The following SERINC5 variants were observed in gnomAD, a reference collection of about 807,000 sequenced individuals.
SERINC5 encodes the protein serine incorporator 5.
In SERINC5, 41 loss-of-function variants were observed where a neutral mutation model predicts 63.1. That is an observed-to-expected ratio of 0.65 (90% confidence interval 0.51 to 0.84). The LOEUF (loss-of-function observed/expected upper bound fraction) is 0.84. Among genes scored for constraint, SERINC5 ranks in the 40% least tolerant of loss-of-function variants. The pLI is 0.00. For synonymous variants in SERINC5, 222 were observed against 215.2 expected, an observed-to-expected ratio of 1.03 and a Z score of -0.28; for missense variants, 523 against 573.0, an observed-to-expected ratio of 0.91 and a Z score of 0.89.
rs571198123 is a variant in SERINC5 at position 80,158,859 on chromosome 5, T to C, written c.963A>G (p.Leu321=). ...NLVTILGTSL[L]IGCILYSCLT... ...ACCATGAATACAAGATACATCCGAT[T>C]AAGAGGCTGGTCCCCAGTATAGTCA... Residue 321 remains leucine, a synonymous_variant, in exon 8 of 12, where the codon TTA becomes TTG. Coordinates refer to ENST00000507668, the MANE Select transcript of SERINC5 (RefSeq NM_001174072.3). 8.0e-5 allele frequency: 129 copies of C among 1,613,664 alleles called. 1 individual carries two copies. The South Asian group carries it at 1.1e-3, about 14-fold the overall frequency.
In SERINC5 at chr5:80,173,423, G is replaced by A. The variant is rs530034473; in HGVS notation, c.551+1531C>T. 7.2e-5 allele frequency among the ~76,000 whole-genome samples: 11 copies of A among 152,036 alleles called. No individual in the cohort carries two copies. In the East Asian group the frequency reaches 1.5e-3, roughly 21 times the overall value. ...ATCCTGGCTAACACGGTGAAACCCC[G>A]TCTCTACTAAAAAATACAAAAAATT... On this transcript the variant is annotated intron_variant, in intron 5 of 11. Transcript: ENST00000507668.
chr5:80,202,864 A>G (rs1749928193), intron 2 of SERINC5, 22 bp downstream of exon 2: 1 of 1,592,748 alleles, frequency 6.3e-7, no homozygotes, highest in East Asian at 2.3e-5. Flanking sequence ...AAATAGGACG[A>G]GCTGAACACG....
intron 7 of SERINC5, among the ~76,000 whole-genome samples, chr5:80,161,017 T>C (rs1017654333): frequency 1.4e-5 from 2 of 143,534 alleles, no homozygotes; most frequent in Admixed American, 7.0e-5. Context: ...TATATATACG[T>C]GTATATATAT....
At chr5:80,114,875 G>C (rs1377575030) in intron 11 of SERINC5, among the ~76,000 whole-genome samples, 1 of 152,018 alleles carries the variant, frequency 6.6e-6, no homozygotes, top group African/African-American at 2.4e-5. Context: ...GGAATTGTAA[G>C]AAATGTTTTT....
Position 80,231,863 on chromosome 5 carries a change from G to C in SERINC5, c.27+24033C>G, listed in dbSNP as rs151258675. Reference sequence around the variant, plus strand: ...TGCCAGTAATCCCAGCACTTTGGGAGGCCAAGAAGGGAGGATTACCTGAGC... The same window carrying C: ...TGCCAGTAATCCCAGCACTTTGGGACGCCAAGAAGGGAGGATTACCTGAGC... On this transcript the variant is annotated intron_variant, in intron 1 of 11. Transcript: ENST00000507668. Among the ~76,000 whole-genome samples, 294 of 152,242 alleles carry C rather than the reference G, an allele frequency of 1.9e-3. 2 individuals carry two copies. Among genetic ancestry groups the C allele is most frequent in the Non-Finnish European group, 3.2e-3 (221 of 68,000 alleles).
At chr5:80,233,268 A>T (rs1751534051) in intron 1 of SERINC5, among the ~76,000 whole-genome samples, 1 of 152,152 alleles carries the variant, frequency 6.6e-6, no homozygotes, top group Middle Eastern at 3.2e-3. Context: ...TCTACTAAAA[A>T]TACAAAAGAT....
intron 2 of SERINC5, among the ~76,000 whole-genome samples, chr5:80,197,242 G>C (rs1263889642): frequency 6.6e-6 from 1 of 151,476 alleles, no homozygotes; most frequent in Non-Finnish European, 1.5e-5. Context: ...CCAGCTACTC[G>C]GGAGGCTGAA....
intron 11 of SERINC5, among the ~76,000 whole-genome samples, chr5:80,126,877 C>A (rs1453000234): frequency 6.6e-6 from 1 of 151,982 alleles, no homozygotes; most frequent in Non-Finnish European, 1.5e-5. Context: ...TACAGGCATG[C>A]GATACCAAGC....
intron 11 of SERINC5, among the ~76,000 whole-genome samples, chr5:80,130,056 C>T (rs1199875077): frequency 6.6e-6 from 1 of 152,152 alleles, no homozygotes; most frequent in African/African-American, 2.4e-5. Flanking sequence ...TTTTGACCAA[C>T]TGTTTTTCTA....
chr5:80,202,714 C>T (rs1206142154), intron 2 of SERINC5, among the ~76,000 whole-genome samples, 172 bp downstream of exon 2: 2 of 152,156 alleles, frequency 1.3e-5, no homozygotes, highest in Admixed American at 6.5e-5. Flanking sequence ...CCTGTTTAGC[C>T]AGAAGGCATT....
Position 80,255,937 on chromosome 5 carries a change from C to G in SERINC5, c.-15G>C, listed in dbSNP as rs548322860. 159 of 1,545,414 alleles carry G rather than the reference C, an allele frequency of 1.0e-4. 1 individual carries two copies. In the South Asian group the frequency reaches 1.8e-3, roughly 17 times the overall value. ...TGAGCTGACATCGCGGCGGCCAATG[C>G]CGAAGGCGCGCTCGCTGGCTCCCCG... is the stretch of plus-strand genomic sequence containing the variant. On this transcript the variant is annotated 5_prime_UTR_variant, in exon 1 of 12. Transcript: ENST00000507668.
At chr5:80,203,740 CAGGAG>C (rs1750002817) in intron 1 of SERINC5, among the ~76,000 whole-genome samples, 1 of 152,150 alleles carries the variant, frequency 6.6e-6, no homozygotes, top group African/African-American at 2.4e-5. Context: ...CAGAGGTTAA[CAGGAG>C]AGTATTTCGT....
In SERINC5 at chr5:80,229,050, T is replaced by TGGCGGGGGGG. The variant is rs1751303992; in HGVS notation, c.28-25998_28-25997insCCCCCCCGCC. Among the ~76,000 whole-genome samples, 23 of 94,102 alleles carry TGGCGGGGGGG rather than the reference T, an allele frequency of 2.4e-4. 3 individuals carry two copies. Among genetic ancestry groups the TGGCGGGGGGG allele is most frequent in the Non-Finnish European group, 4.5e-4 (21 of 46,822 alleles). 61.7% of individuals were successfully genotyped at this position (94,102 alleles called of 152,430 possible). On this transcript the variant is annotated intron_variant, in intron 1 of 11. Transcript: ENST00000507668. ...TTTTTTTTTTTTTTTTTTTTTTTTTTGGGGATGGAGTTGCCTAGGCTGGAG... is the reference window on the plus strand; with the variant it reads ...TTTTTTTTTTTTTTTTTTTTTTTTTTGGCGGGGGGGGGGGATGGAGTTGCCTAGGCTGGAG...
intron 7 of SERINC5, among the ~76,000 whole-genome samples, chr5:80,162,742 A>G (rs1747023652): frequency 6.6e-6 from 1 of 152,012 alleles, no homozygotes; most frequent in African/African-American, 2.4e-5. Context: ...CCTTCGTTAA[A>G]TTTATTCCTA....
chr5:80,227,137 C>G (rs1261015833), intron 1 of SERINC5, among the ~76,000 whole-genome samples: 1 of 152,052 alleles, frequency 6.6e-6, no homozygotes, highest in Non-Finnish European at 1.5e-5. Context: ...CTAAGGTGAT[C>G]CACCCACCTC....
intron 1 of SERINC5, among the ~76,000 whole-genome samples, chr5:80,244,077 C>G (rs138507363): frequency 7.9e-5 from 12 of 152,252 alleles, no homozygotes; most frequent in African/African-American, 2.9e-4. Context: ...AGGCCCAGCC[C>G]AGACCTCTTT....
chr5:80,111,282 T>G (rs1744098580), downstream of SERINC5, among the ~76,000 whole-genome samples: 1 of 152,160 alleles, frequency 6.6e-6, no homozygotes, highest in Non-Finnish European at 1.5e-5. Context: ...TGCTCAAAAT[T>G]CTCTCGGCCC....
In SERINC5 at chr5:80,139,946, A is replaced by C. The variant is rs1211486774; in HGVS notation, c.*3717T>G. ...GGCAATAAAGGGAGTGTAAAAGCCTAGGTAGCTTAAATACAGGCTCTGGAA... is the reference window on the plus strand; with the variant it reads ...GGCAATAAAGGGAGTGTAAAAGCCTCGGTAGCTTAAATACAGGCTCTGGAA... On this transcript the variant is annotated 3_prime_UTR_variant, in exon 12 of 12. Transcript: ENST00000507668. The C allele has an allele frequency of 1.0e-6, 1 of 985,302 alleles. No homozygotes were observed. Among genetic ancestry groups the C allele is most frequent in the Non-Finnish European group, 1.2e-6 (1 of 829,920 alleles). The allele number at this position is 985,302 out of a possible 1,614,324, so 61.0% of individuals were successfully genotyped here.
At chr5:80,202,248 G>T (rs1310567792) in intron 2 of SERINC5, among the ~76,000 whole-genome samples, 1 of 152,066 alleles carries the variant, frequency 6.6e-6, no homozygotes, top group African/African-American at 2.4e-5. Context: ...CGAAAAAAAA[G>T]AAGAAAGAAA....
Sources: gnomAD v4.1 joint callset for allele counts (sites outside exome capture counted in the v4.1 genomes callset) on GRCh38, gnomAD v4.1.1 for gene constraint, MANE v1.5 for transcripts, NCBI Gene and HGNC (gene_info 2026-07-23, HGNC 2026-07-21) for gene names.